YTHDC2: variants seen among roughly 807,000 people sequenced by gnomAD.
YTHDC2 encodes 3'-5' RNA helicase YTHDC2.
YTHDC2 carries 45 observed loss-of-function variants against 174.9 expected under a neutral mutation model. That is an observed-to-expected ratio of 0.26 (90% CI 0.20 to 0.33). The LOEUF (loss-of-function observed/expected upper bound fraction) is 0.33, where lower values mean the gene tolerates loss of function less well. Ranked by LOEUF, YTHDC2 falls within the 10% of genes least tolerant of loss-of-function variation. The probability of loss-of-function intolerance (pLI) is 1.00; values close to 1 mark genes in which losing one functional copy is unlikely to be tolerated. For synonymous variants in YTHDC2, 657 were observed against 574.5 expected, an observed-to-expected ratio of 1.14 and a Z score of -2.05; for missense variants, 1,650 against 1,723.7, an observed-to-expected ratio of 0.96 and a Z score of 0.76.
chr5:113,564,408 T>G (rs1454347933), intron 20 of YTHDC2, among the ~76,000 whole-genome samples: 2 of 152,160 alleles, frequency 1.3e-5, no homozygotes, highest in African/African-American at 4.8e-5. Flanking sequence ...CCAGGTTTCT[T>G]TAAATCATGT....
In YTHDC2 at chr5:113,553,992, C is replaced by T; in HGVS notation, c.2103C>T (p.Val701=). ...AETSITVNDV[V]FVIDSGKVKE... is the part of the protein sequence containing the mutation. ...CCAGCATCACAGTCAATGATGTTGT[C>T]TTTGTTATTGATTCTGGTAAGGTGA... is the stretch of plus-strand genomic sequence containing the variant. The change falls in exon 16 of 30, where the codon GTC becomes GTT. Residue 701 remains valine, a synonymous_variant. Coordinates refer to ENST00000161863, the MANE Select transcript of YTHDC2 (RefSeq NM_022828.5). The T allele has an allele frequency of 6.4e-7, 1 of 1,574,674 alleles. No individual in the cohort carries two copies. The highest frequency in any genetic ancestry group is 8.6e-7 in the Non-Finnish European group (1 of 1,162,258).
intron 10 of YTHDC2, among the ~76,000 whole-genome samples, chr5:113,543,374 T>G (rs1407530047): frequency 6.6e-6 from 1 of 152,184 alleles, no homozygotes; most frequent in Non-Finnish European, 1.5e-5. Flanking sequence ...TGCTGTCATA[T>G]TGCACATATA....
chr5:113,530,916 T>C (rs548667366), intron 4 of YTHDC2, among the ~76,000 whole-genome samples: 65 of 152,272 alleles, frequency 4.3e-4, no homozygotes, highest in Non-Finnish European at 7.5e-4. Flanking sequence ...GAGAAAGTCT[T>C]CATTTCTTCT....
chr5:113,558,933 A>G (rs1776782267), intron 17 of YTHDC2, among the ~76,000 whole-genome samples: 1 of 151,926 alleles, frequency 6.6e-6, no homozygotes, highest in Non-Finnish European at 1.5e-5. Flanking sequence ...AAAAAAAAAA[A>G]AAAAGAAAAT....
chr5:113,590,527 A>G (rs1184890464), intron 26 of YTHDC2, among the ~76,000 whole-genome samples: 1 of 152,076 alleles, frequency 6.6e-6, no homozygotes, highest in Non-Finnish European at 1.5e-5. Context: ...TTAGCCAAAA[A>G]CTTGTGGGAA....
intron 23 of YTHDC2, among the ~76,000 whole-genome samples, chr5:113,569,898 A>G (rs1000531647): frequency 1.3e-5 from 2 of 152,066 alleles, no homozygotes; most frequent in African/African-American, 4.8e-5. Flanking sequence ...TAATGGGAAT[A>G]GCATTGAATC....
chr5:113,566,116 T>C, intron 21 of YTHDC2, 97 bp downstream of exon 21: 1 of 1,297,908 alleles, frequency 7.7e-7, no homozygotes, highest in Non-Finnish European at 1.0e-6. Context: ...ATCTATTATT[T>C]TTATGACATT....
intron 16 of YTHDC2, among the ~76,000 whole-genome samples, chr5:113,555,522 G>A (rs7711367): frequency 0.31 from 47,223 of 151,506 alleles, 9,499 homozygotes; most frequent in African/African-American, 0.56. Flanking sequence ...TCATTGTAAC[G>A]TTCGGGAAAG....
chr5:113,586,450 G>C (rs554412230), intron 26 of YTHDC2, among the ~76,000 whole-genome samples: 109 of 152,056 alleles, frequency 7.2e-4, no homozygotes, highest in African/African-American at 2.5e-3. Context: ...TTTTCTAACA[G>C]TATGTGGCTT....
chr5:113,567,157 G>C lies in YTHDC2; in HGVS notation c.2908G>C (p.Val970Leu), dbSNP rs1311190053. Reference protein sequence around the residue: ...DVNTNSENWAVVKAALVAGMY... With the variant: ...DVNTNSENWALVKAALVAGMY... ...TAACACAAACTCTGAGAATTGGGCT[G>C]TCGTTAAAGCTGCATTGGTGGCAGG... The change falls in exon 22 of 30, where the codon GTC becomes CTC. Residue 970 changes from valine to leucine, a missense_variant. Physicochemically the swap from Val to Leu is conservative, Grantham distance 32. This residue lies in a region of YTHDC2 where 913 missense variants were observed against 940.4 expected (regional missense o/e 0.97). Coordinates refer to ENST00000161863, the MANE Select transcript of YTHDC2 (RefSeq NM_022828.5). The C allele has an allele frequency of 1.5e-5, 25 of 1,613,756 alleles. No homozygotes were observed. Among genetic ancestry groups the C allele is most frequent in the Non-Finnish European group, 2.1e-5 (25 of 1,179,934 alleles).
At chr5:113,523,011 C>G (rs1773984075) in intron 2 of YTHDC2, among the ~76,000 whole-genome samples, 1 of 151,876 alleles carries the variant, frequency 6.6e-6, no homozygotes, top group Non-Finnish European at 1.5e-5. Context: ...ATTAGGTAAC[C>G]TATGTTAGGA....
intron 26 of YTHDC2, among the ~76,000 whole-genome samples, chr5:113,589,187 A>G (rs955560981): frequency 1.3e-5 from 2 of 151,604 alleles, no homozygotes; most frequent in African/African-American, 4.8e-5. Flanking sequence ...GGATACACAG[A>G]TGTAAGACCA....
chr5:113,574,243 A>G (rs1436509526), intron 23 of YTHDC2, among the ~76,000 whole-genome samples: 2 of 152,160 alleles, frequency 1.3e-5, no homozygotes, highest in Admixed American at 6.5e-5. Context: ...GGGGCTCCCC[A>G]CCAGACCTCA....
At chr5:113,559,600 A>G (rs28558374) in intron 17 of YTHDC2, among the ~76,000 whole-genome samples, 47,270 of 152,140 alleles carry the variant, frequency 0.31, 9,516 homozygotes, top group African/African-American at 0.56. Context: ...ACAGCACAAA[A>G]ATAGCCAACA....
At chr5:113,573,621 C>G (rs538677259) in intron 23 of YTHDC2, among the ~76,000 whole-genome samples, 2 of 152,162 alleles carry the variant, frequency 1.3e-5, no homozygotes, top group South Asian at 4.2e-4. Flanking sequence ...ATAGGTTCAG[C>G]CTCTTTATAT....
At chr5:113,566,446 CT>C (rs34372128) in intron 21 of YTHDC2, among the ~76,000 whole-genome samples, 19,481 of 122,240 alleles carry the variant, frequency 0.16, 798 homozygotes, top group Non-Finnish European at 0.18. Context: ...TTGAAGTCAC[CT>C]TTTTTTTTTT....
At chr5:113,514,242 G>T (rs1170055692) in intron 1 of YTHDC2, 160 bp downstream of exon 1, 2 of 881,728 alleles carry the variant, frequency 2.3e-6, no homozygotes, top group Admixed American at 2.0e-5. Context: ...CCCGGGTCTG[G>T]AACGCGGCTG....
At chr5:113,574,281 GGTATCACCAGT>G in intron 23 of YTHDC2, among the ~76,000 whole-genome samples, 1 of 152,220 alleles carries the variant, frequency 6.6e-6, no homozygotes, top group East Asian at 1.9e-4. Context: ...TGTACCTGGA[GGTATCACCAGT>G]GAAGTCTGCA....
chr5:113,514,081 A>G lies in YTHDC2; in HGVS notation c.186A>G (p.Arg62=), dbSNP rs1289225219. ...AGCGCTTCCGATACGGGGACCAGAG[A>G]GGTGAGGTTCCGGACAGGGACCATG... The part of the protein sequence containing the change: ...ALERFRYGDQ[R]EMEFPSSLTS... Residue 62 remains arginine, a splice_region_variant and synonymous_variant, in exon 1 of 30, where the codon AGA becomes AGG. Transcript: ENST00000161863. The G allele has an allele frequency of 6.2e-7, 1 of 1,611,130 alleles. No individual in the cohort carries two copies. The highest frequency in any genetic ancestry group is 1.7e-5 in the Admixed American group (1 of 59,582).
Sources: allele counts gnomAD v4.1 joint callset (sites outside exome capture counted in the v4.1 genomes callset), GRCh38; gene constraint gnomAD v4.1.1; regional missense constraint gnomAD v4.1.1; transcripts MANE v1.5; gene names NCBI Gene and HGNC (gene_info 2026-07-23, HGNC 2026-07-21).